GLCCI1: variants seen among roughly 807,000 people sequenced by gnomAD.
GLCCI1 encodes glucocorticoid-induced transcript 1 protein.
Under a neutral mutation model 52.2 loss-of-function variants are expected in GLCCI1, and 24 were observed. That is an observed-to-expected ratio of 0.46 (90% CI 0.33 to 0.65). GLCCI1 has a LOEUF of 0.65. GLCCI1 is among the 30% of genes least tolerant of loss of function. GLCCI1 has a pLI of 0.02. For synonymous variants in GLCCI1, 310 were observed against 276.5 expected (o/e 1.12, Z -1.20); for missense variants, 704 against 701.5 (o/e 1.00, Z -0.04).
At position 8,055,474 on chromosome 7, in the gene GLCCI1, G is replaced by C. The variant is rs1473224569; in HGVS notation, c.738G>C (p.Gln246His). 1.2e-6 allele frequency: 2 copies of C among 1,613,982 alleles called. No homozygotes were observed. The highest frequency in any genetic ancestry group is 1.3e-5 in the African/African-American group (1 of 75,036). ...KLRQQLQRSK[Q>H]SSRHSKEKDR... ...GGCAGCAACTACAACGCAGTAAACAGAGTAGTCGTCACAGTAAGGAGAAAG... is the reference window on the plus strand; with the variant it reads ...GGCAGCAACTACAACGCAGTAAACACAGTAGTCGTCACAGTAAGGAGAAAG... The change falls in exon 4 of 8, where the codon CAG becomes CAC. Residue 246 changes from glutamine to histidine, a missense_variant. By Grantham distance (24) the Gln-to-His change is conservative. Coordinates refer to ENST00000223145, the MANE Select transcript of GLCCI1 (RefSeq NM_138426.4).
rs539842153 is a variant in GLCCI1 at position 8,060,668 on chromosome 7, C to T, written c.966+420C>T. Among the ~76,000 whole-genome samples, 8 of 152,188 alleles carry T rather than the reference C, an allele frequency of 5.3e-5. No individual in the cohort carries two copies. The East Asian group carries it at 1.5e-3, about 29-fold the overall frequency. On this transcript the variant is annotated intron_variant, in intron 5 of 7. Transcript: ENST00000223145. ...CGTTTAGCCTGTTATCAGTGACTTC[C>T]TTTTTATGGCCAAATATTAATCAGT...
At position 8,086,666 on chromosome 7, in the gene GLCCI1, C is replaced by CTTAAACACTGATCTTGGCAGGG; in HGVS notation, c.*129_*150dup. 1 of 769,696 alleles carries CTTAAACACTGATCTTGGCAGGG rather than the reference C, an allele frequency of 1.3e-6. No homozygotes were observed. The highest frequency in any genetic ancestry group is 2.1e-6 in the Non-Finnish European group (1 of 483,852). 47.7% of individuals were successfully genotyped at this position (769,696 alleles called of 1,614,324 possible). Reference sequence around the variant, plus strand: ...TACTTATCAGCATCATAAAGTATCTCTTAAACACTGATCTTGGCAGGGACG... The same window carrying CTTAAACACTGATCTTGGCAGGG: ...TACTTATCAGCATCATAAAGTATCTCTTAAACACTGATCTTGGCAGGGTTAAACACTGATCTTGGCAGGGACG... On this transcript the variant is annotated 3_prime_UTR_variant, in exon 8 of 8. Coordinates refer to ENST00000223145, the MANE Select transcript of GLCCI1 (RefSeq NM_138426.4). This position sits in a 1 kb window ranked among gnomAD's most constrained non-coding sequence, Gnocchi z 4.4.
At chr7:7,993,392 A>G (rs1255180813) in intron 1 of GLCCI1, among the ~76,000 whole-genome samples, 3 of 152,134 alleles carry the variant, frequency 2.0e-5, no homozygotes, top group African/African-American at 7.2e-5. Context: ...TTAGACTCTC[A>G]GTAATTTCTC....
At chr7:8,008,040 A>T (rs1323139714) in intron 2 of GLCCI1, among the ~76,000 whole-genome samples, 1 of 152,180 alleles carries the variant, frequency 6.6e-6, no homozygotes, top group Admixed American at 6.5e-5. Flanking sequence ...AAATGATTAC[A>T]TCAATCTATT....
rs534232523 is a variant in GLCCI1, at chr7:8,004,723, A to T, written c.609+664A>T. On this transcript the variant is annotated intron_variant, in intron 2 of 7. Transcript: ENST00000223145. ...TCATTGGTTTTAAAAAACCTGCAGC[A>T]CAGTTAGGTAGATGAGATACACATT... is the stretch of plus-strand genomic sequence containing the variant. Among the ~76,000 whole-genome samples the T allele has an allele frequency of 7.2e-5, 11 of 152,324 alleles. No homozygotes were observed. The South Asian group carries it at 2.3e-3, about 32-fold the overall frequency.
chr7:8,085,767 C>G (rs1043650871), intron 7 of GLCCI1, among the ~76,000 whole-genome samples: 3 of 152,038 alleles, frequency 2.0e-5, no homozygotes, highest in African/African-American at 7.2e-5. Context: ...CCCATCTGTG[C>G]TAGCGGAAGT....
intron 1 of GLCCI1, among the ~76,000 whole-genome samples, chr7:7,971,579 T>C (rs898785458): frequency 4.6e-5 from 7 of 152,162 alleles, no homozygotes; most frequent in African/African-American, 1.7e-4. Context: ...TGCAACAACA[T>C]AATGGCCATC....
At chr7:7,976,479 C>CAAAAAAAAAAAAAAAAAAAA (rs35255634) in intron 1 of GLCCI1, among the ~76,000 whole-genome samples, 21 of 24,638 alleles carry the variant, frequency 8.5e-4, no homozygotes, top group African/African-American at 1.0e-3. Flanking sequence ...AACTCCATCT[C>CAAAAAAAAAAAAAAAAAAAA]AAAAAAAAAA....
At chr7:8,006,231 GA>G (rs1350280862) in intron 2 of GLCCI1, among the ~76,000 whole-genome samples, 2 of 152,184 alleles carry the variant, frequency 1.3e-5, no homozygotes, top group African/African-American at 4.8e-5. Context: ...TCTAAGAAAG[GA>G]AAAAATTGTT....
chr7:8,046,268 A>G (rs981239915), intron 3 of GLCCI1, among the ~76,000 whole-genome samples: 1 of 152,144 alleles, frequency 6.6e-6, no homozygotes, highest in Non-Finnish European at 1.5e-5. Flanking sequence ...GAAGATATAA[A>G]CCAAAAATAA....
chr7:8,061,385 C>G (rs1233184364), intron 5 of GLCCI1, among the ~76,000 whole-genome samples: 1 of 152,088 alleles, frequency 6.6e-6, no homozygotes, highest in African/African-American at 2.4e-5. Flanking sequence ...CAGGCGTGAG[C>G]CACTGCACCC....
intron 4 of GLCCI1, among the ~76,000 whole-genome samples, chr7:8,057,068 G>T (rs2127959614): frequency 6.6e-6 from 1 of 152,242 alleles, no homozygotes; most frequent in Non-Finnish European, 1.5e-5. Context: ...TGAGGATGTG[G>T]AACAACCAGA....
At chr7:8,065,601 T>TA (rs1251463209) in intron 5 of GLCCI1, among the ~76,000 whole-genome samples, 11 of 152,326 alleles carry the variant, frequency 7.2e-5, no homozygotes, top group African/African-American at 2.6e-4. Context: ...GTTGGAGGTT[T>TA]TTAACATGAA....
intron 5 of GLCCI1, among the ~76,000 whole-genome samples, chr7:8,068,946 C>T (rs1449040978): frequency 6.6e-6 from 1 of 152,170 alleles, no homozygotes; most frequent in African/African-American, 2.4e-5. Context: ...AGTTTGATGC[C>T]TCTTAAGCGT....
intron 5 of GLCCI1, among the ~76,000 whole-genome samples, chr7:8,068,896 A>G (rs1442599508): frequency 6.6e-6 from 1 of 152,204 alleles, no homozygotes; most frequent in African/African-American, 2.4e-5. Context: ...AGGGTTTATT[A>G]ACTAAGTATT....
chr7:8,003,312 G>A (rs540841064), intron 1 of GLCCI1, among the ~76,000 whole-genome samples: 158 of 152,288 alleles, frequency 1.0e-3, no homozygotes, highest in African/African-American at 3.6e-3. Context: ...AAACAAGAAA[G>A]AGAGTTCTAG....
intron 2 of GLCCI1, among the ~76,000 whole-genome samples, chr7:8,006,700 T>A (rs999875427): frequency 3.9e-5 from 6 of 152,222 alleles, no homozygotes; most frequent in African/African-American, 1.4e-4. Flanking sequence ...AATCTTCATA[T>A]GGACCTGGAA....
chr7:7,969,133 T>C lies in GLCCI1; in HGVS notation c.-218T>C. On this transcript the variant is annotated 5_prime_UTR_variant, in exon 1 of 8. Coordinates refer to ENST00000223145, the MANE Select transcript of GLCCI1 (RefSeq NM_138426.4). This position sits in a 1 kb window ranked among gnomAD's most constrained non-coding sequence, Gnocchi z 4.9. ...AGCCCAGCCGGGCGGTTGCGGCCGT[T>C]GGACGTTTGTTTTCGCAGCCTTCCC... 1 of 313,006 alleles carries C rather than the reference T, an allele frequency of 3.2e-6. No individual in the cohort carries two copies. The highest frequency in any genetic ancestry group is 1.1e-4 in the South Asian group (1 of 9,500). 19.4% of individuals were successfully genotyped at this position (313,006 alleles called of 1,614,324 possible).
intron 3 of GLCCI1, among the ~76,000 whole-genome samples, chr7:8,038,908 C>T (rs1290697081): frequency 6.6e-6 from 1 of 151,530 alleles, no homozygotes; most frequent in African/African-American, 2.4e-5. Context: ...TCAAACAATG[C>T]AACAAGAAAA....
Sources: gnomAD v4.1 joint callset for allele counts (sites outside exome capture counted in the v4.1 genomes callset) on GRCh38, gnomAD v4.1.1 for gene constraint, Gnocchi (gnomAD v3.1) non-coding constraint, MANE v1.5 for transcripts, NCBI Gene and HGNC (gene_info 2026-07-23, HGNC 2026-07-21) for gene names.